The following CACNA2D3 variants were observed in gnomAD, a reference collection of about 807,000 sequenced individuals.
CACNA2D3 encodes the protein calcium voltage-gated channel auxiliary subunit alpha2delta 3.
Under a neutral mutation model 160.6 loss-of-function variants are expected in CACNA2D3, and 60 were observed. The observed-to-expected ratio is 0.37, with a 90% CI of 0.30 to 0.46. CACNA2D3 has a LOEUF of 0.46. Among genes scored for constraint, CACNA2D3 ranks in the 20% least tolerant of loss-of-function variants. The pLI is 1.00. For synonymous variants in CACNA2D3, 558 were observed against 492.9 expected (o/e 1.13, Z -1.75); for missense variants, 1,205 against 1,365.0 (o/e 0.88, Z 1.85).
At chr3:54,405,476 A>G (rs147749204) in intron 4 of CACNA2D3, among the ~76,000 whole-genome samples, 379 of 152,232 alleles carry the variant, frequency 2.5e-3, no homozygotes, top group South Asian at 5.4e-3. Context: ...GGGGGAAAGA[A>G]TAGTCTCATT....
chr3:54,992,780 GAAA>G (rs5849065), intron 31 of CACNA2D3, among the ~76,000 whole-genome samples: 1 of 137,370 alleles, frequency 7.3e-6, no homozygotes, highest in Admixed American at 7.1e-5. Context: ...TGAACAACAA[GAAA>G]AAAAAAAAAA....
intron 35 of CACNA2D3, among the ~76,000 whole-genome samples, chr3:55,054,296 T>C (rs1704309480): frequency 6.6e-6 from 1 of 151,854 alleles, no homozygotes; most frequent in South Asian, 2.1e-4. Context: ...TGGTACTATT[T>C]TACTGCTTAC....
intron 2 of CACNA2D3, among the ~76,000 whole-genome samples, chr3:54,312,424 C>T (rs1348832954): frequency 1.3e-5 from 2 of 152,130 alleles, no homozygotes; most frequent in South Asian, 2.1e-4. Flanking sequence ...GCCCCTCTTC[C>T]GTGTCTGGCT....
chr3:54,451,423 T>C (rs1192921504), intron 4 of CACNA2D3, among the ~76,000 whole-genome samples: 1 of 151,836 alleles, frequency 6.6e-6, no homozygotes, highest in African/African-American at 2.4e-5. Context: ...CTAATTTTTG[T>C]ATTTTTAAAA....
chr3:55,069,097 C>A (rs1211857158), intron 35 of CACNA2D3, among the ~76,000 whole-genome samples: 1 of 152,076 alleles, frequency 6.6e-6, no homozygotes. Context: ...AGATTGAACC[C>A]GCTTTTACCT....
intron 9 of CACNA2D3, among the ~76,000 whole-genome samples, chr3:54,608,598 G>T (rs1698684483): frequency 6.6e-6 from 1 of 151,168 alleles, no homozygotes; most frequent in South Asian, 2.1e-4. Flanking sequence ...GCCAAGCTTT[G>T]AGATAACAAA....
intron 11 of CACNA2D3, among the ~76,000 whole-genome samples, chr3:54,674,804 G>C (rs561099082): frequency 3.0e-4 from 46 of 152,340 alleles, no homozygotes; most frequent in African/African-American, 1.0e-3. Context: ...AGTTCAGAAA[G>C]TTAAGATTTT....
intron 4 of CACNA2D3, among the ~76,000 whole-genome samples, chr3:54,439,703 G>A (rs923417133): frequency 2.0e-5 from 3 of 152,126 alleles, no homozygotes; most frequent in Non-Finnish European, 4.4e-5. Flanking sequence ...CATAAAGCAT[G>A]GCTTGGGGGA....
intron 3 of CACNA2D3, among the ~76,000 whole-genome samples, chr3:54,352,271 G>A (rs1272250873): frequency 6.6e-6 from 1 of 152,138 alleles, no homozygotes; most frequent in Non-Finnish European, 1.5e-5. Context: ...AAATAAAGGT[G>A]GTAGTAGCAC....
intron 27 of CACNA2D3, among the ~76,000 whole-genome samples, chr3:54,948,188 C>G (rs535284585): frequency 1.3e-5 from 2 of 152,250 alleles, no homozygotes; most frequent in African/African-American, 4.8e-5. Context: ...CCCTGGTTGT[C>G]TTGACTAGAG....
rs1174501983 is a variant in CACNA2D3 at position 54,736,128 on chromosome 3, TATGTATATATATAC to T, written c.1168-16469_1168-16456del. On this transcript the variant is annotated intron_variant, in intron 11 of 37. Coordinates refer to ENST00000474759, the MANE Select transcript of CACNA2D3 (RefSeq NM_018398.3). Reference sequence around the variant, plus strand: ...ATATATGTATATATATACATATATATATGTATATATATACACACACACACACACACACACACAGA... The same window carrying T: ...ATATATGTATATATATACATATATATACACACACACACACACACACACAGA... 1.4e-4 allele frequency among the ~76,000 whole-genome samples: 8 copies of T among 56,272 alleles called. 1 individual carries two copies. Among genetic ancestry groups the T allele is most frequent in the Admixed American group, 2.0e-4 (1 of 5,002 alleles). 36.9% of individuals were successfully genotyped at this position (56,272 alleles called of 152,430 possible).
At chr3:54,237,882 A>G (rs976470948) in intron 2 of CACNA2D3, among the ~76,000 whole-genome samples, 5 of 152,192 alleles carry the variant, frequency 3.3e-5, no homozygotes, top group South Asian at 2.1e-4. Context: ...CCATGGGTGA[A>G]TAAGTTTAGG....
intron 11 of CACNA2D3, among the ~76,000 whole-genome samples, chr3:54,737,772 C>T (rs1042238527): frequency 6.6e-5 from 10 of 152,168 alleles, no homozygotes; most frequent in African/African-American, 2.4e-4. Flanking sequence ...TCAAGCGATT[C>T]TCTTGTCTCA....
Position 54,922,468 on chromosome 3 carries a change from T to C in CACNA2D3, c.2449+22600T>C, listed in dbSNP as rs540028113. Among the ~76,000 whole-genome samples, 7 of 152,290 alleles carry C rather than the reference T, an allele frequency of 4.6e-5. No individual in the cohort carries two copies. In the South Asian group the frequency reaches 1.2e-3, roughly 27 times the overall value. ...AAACAATTTTATTTGTAACCTCTTA[T>C]AAGGAAGATGTTGCCATAGTATGTG... On this transcript the variant is annotated intron_variant, in intron 27 of 37. Transcript: ENST00000474759.
intron 14 of CACNA2D3, among the ~76,000 whole-genome samples, chr3:54,821,389 G>T (rs1011409875): frequency 5.9e-5 from 9 of 152,174 alleles, no homozygotes; most frequent in African/African-American, 2.2e-4. Context: ...ACACAGCAGG[G>T]TTCAAGATCT....
At chr3:54,687,136 TTTTTTTTTTTTTTTG>T (rs1700473915) in intron 11 of CACNA2D3, among the ~76,000 whole-genome samples, 12 of 43,506 alleles carry the variant, frequency 2.8e-4, no homozygotes, top group Admixed American at 4.8e-4. Context: ...TTTTTTTTTG[TTTTTTTTTTTTTTTG>T]TTTTTTTGAC....
chr3:54,348,335 A>G (rs1189754548), intron 3 of CACNA2D3, among the ~76,000 whole-genome samples: 1 of 152,170 alleles, frequency 6.6e-6, no homozygotes, highest in African/African-American at 2.4e-5. Flanking sequence ...ACTGTAGCTG[A>G]AAGAGCTGTG....
intron 2 of CACNA2D3, among the ~76,000 whole-genome samples, chr3:54,318,600 G>T (rs971943032): frequency 1.3e-5 from 2 of 151,924 alleles, no homozygotes; most frequent in Non-Finnish European, 2.9e-5. Flanking sequence ...CCATTTTGAG[G>T]ACCTCTTCCC....
chr3:54,339,080 TGA>T (rs1559454330), intron 3 of CACNA2D3, among the ~76,000 whole-genome samples: 1 of 152,218 alleles, frequency 6.6e-6, no homozygotes, highest in African/African-American at 2.4e-5. Context: ...CTATGATTTC[TGA>T]CTTTATTTAC....
Sources: allele counts gnomAD v4.1 joint callset (sites outside exome capture counted in the v4.1 genomes callset), GRCh38; gene constraint gnomAD v4.1.1; transcripts MANE v1.5; gene names NCBI Gene and HGNC (gene_info 2026-07-23, HGNC 2026-07-21).